ADAM11: variants seen among roughly 807,000 people sequenced by gnomAD.
ADAM11 encodes the protein disintegrin and metalloproteinase domain-containing protein 11.
ADAM11 carries 49 observed loss-of-function variants against 119.1 expected under a neutral mutation model. That is an observed-to-expected ratio of 0.41 (90% CI 0.33 to 0.52). The LOEUF (loss-of-function observed/expected upper bound fraction) is 0.52. Among genes scored for constraint, ADAM11 ranks in the 20% least tolerant of loss-of-function variants. The pLI, the probability that ADAM11 is intolerant of heterozygous loss-of-function variation, is 0.20. For missense variants in ADAM11, 777 were observed against 1,047.5 expected, an observed-to-expected ratio of 0.74 and a Z score of 3.56; for synonymous variants, 364 against 408.0, an observed-to-expected ratio of 0.89 and a Z score of 1.30.
chr17:44,779,385 C>G, intron 26 of ADAM11, 146 bp downstream of exon 26: 2 of 1,456,350 alleles, frequency 1.4e-6, no homozygotes, highest in Non-Finnish European at 1.8e-6. Flanking sequence ...CAGGCTGTCC[C>G]GGCAGGGGTG....
At chr17:44,759,461 C>T (rs1267984088) in intron 1 of ADAM11, 8 of 1,247,412 alleles carry the variant, frequency 6.4e-6, no homozygotes, top group African/African-American at 1.5e-5. Flanking sequence ...CGTCCCTGCC[C>T]CTGCCGCCGA....
rs1454849085 is a variant in ADAM11, at chr17:44,776,726, C to G, written c.1567-19C>G. The G allele has an allele frequency of 1.2e-6, 2 of 1,613,748 alleles. No individual in the cohort carries two copies. The highest frequency in any genetic ancestry group is 2.2e-5 in the South Asian group (2 of 91,022). ...CAGTCCTGGGACTGCTCCGCTCAAC[C>G]CCACCCCTCTCTCCACAGTGCCCGC... On this transcript the variant is annotated intron_variant, in intron 18 of 26. Transcript: ENST00000200557. This position sits in a 1 kb window ranked among gnomAD's most constrained non-coding sequence, Gnocchi z 5.2.
intron 2 of ADAM11, among the ~76,000 whole-genome samples, chr17:44,760,919 G>A (rs2049381172): frequency 6.6e-6 from 1 of 150,760 alleles, no homozygotes; most frequent in African/African-American, 2.4e-5. Flanking sequence ...GAATACTGAT[G>A]AAATGGATGG....
Position 44,774,688 on chromosome 17 carries a change from C to T in ADAM11, c.1169-10C>T. The T allele has an allele frequency of 1.3e-6, 2 of 1,592,890 alleles. No homozygotes were observed. Among genetic ancestry groups the T allele is most frequent in the South Asian group, 1.1e-5 (1 of 88,592 alleles). ...TGGCCTCCCTCATATCCGCCTGGCT[C>T]ACCCCTCAGGGGACTGCAAGTGTCC... On this transcript the variant is annotated splice_polypyrimidine_tract_variant and intron_variant, in intron 13 of 26. Transcript: ENST00000200557.
intron 1 of ADAM11, 30 bp downstream of exon 1, chr17:44,759,290 C>A: frequency 7.3e-7 from 1 of 1,366,112 alleles, no homozygotes; most frequent in Non-Finnish European, 9.4e-7. Flanking sequence ...CCCCGGCGCC[C>A]CCTCCCTGCC....
chr17:44,773,091 C>A lies in ADAM11; in HGVS notation c.825+6C>A, dbSNP rs886417733. On this transcript the variant is annotated splice_donor_region_variant and intron_variant, in intron 10 of 26. Coordinates refer to ENST00000200557, the MANE Select transcript of ADAM11 (RefSeq NM_002390.6). This position sits in a 1 kb window ranked among gnomAD's most constrained non-coding sequence, Gnocchi z 4.6. ...TGGTGAACCTGGCCGATGTGGTAAGCAGCTCTCCCTCCCTCCCTTCCCTCC... is the reference window on the plus strand; with the variant it reads ...TGGTGAACCTGGCCGATGTGGTAAGAAGCTCTCCCTCCCTCCCTTCCCTCC... The A allele has an allele frequency of 2.5e-6, 4 of 1,613,530 alleles. No individual in the cohort carries two copies. In the South Asian group the frequency reaches 4.4e-5, roughly 18 times the overall value.
Position 44,775,775 on chromosome 17 carries a change from G to A in ADAM11, c.1485+99G>A. On this transcript the variant is annotated intron_variant, in intron 17 of 26. Coordinates refer to ENST00000200557, the MANE Select transcript of ADAM11 (RefSeq NM_002390.6). This position sits in a 1 kb window ranked among gnomAD's most constrained non-coding sequence, Gnocchi z 7.5. The stretch of plus-strand genomic sequence containing the variant: ...AGCTAGGGAGGGAAGCGGAGCCTTC[G>A]GGGACGAAGGCCTCTGGGGCAGGGC... The A allele has an allele frequency of 8.0e-7, 1 of 1,254,614 alleles. No individual in the cohort carries two copies. Among genetic ancestry groups the A allele is most frequent in the South Asian group, 1.4e-5 (1 of 71,064 alleles). 77.7% of individuals were successfully genotyped at this position (1,254,614 alleles called of 1,614,324 possible).
intron 13 of ADAM11, 22 bp downstream of exon 13, chr17:44,774,604 C>T: frequency 6.8e-6 from 11 of 1,609,096 alleles, no homozygotes; most frequent in Non-Finnish European, 9.3e-6. Flanking sequence ...CAGAGGCCCC[C>T]GTGTGGCCCA....
chr17:44,777,487 T>C lies in ADAM11; in HGVS notation c.1787T>C (p.Val596Ala). 1 of 1,614,144 alleles carries C rather than the reference T, an allele frequency of 6.2e-7. No homozygotes were observed. The highest frequency in any genetic ancestry group is 8.5e-7 in the Non-Finnish European group (1 of 1,179,996). The change falls in exon 22 of 27, where the codon GTG becomes GCG. Residue 596 changes from valine to alanine, a missense_variant. By Grantham distance (64) the Val-to-Ala change is moderately conservative. This residue lies in a region of ADAM11 where 348 missense variants were observed against 486.7 expected (regional missense o/e 0.72). Coordinates refer to ENST00000200557, the MANE Select transcript of ADAM11 (RefSeq NM_002390.6). This position sits in a 1 kb window ranked among gnomAD's most constrained non-coding sequence, Gnocchi z 5.1. ...SGWVQCSKQD[V>A]LCGFLLCVNI... is the part of the protein sequence containing the mutation. ...GTCTCTATATGCCCCAACAGGGACG[T>C]GCTGTGTGGCTTCCTCCTCTGTGTC...
chr17:44,764,752 C>T (rs2049427255), intron 2 of ADAM11, among the ~76,000 whole-genome samples: 3 of 152,142 alleles, frequency 2.0e-5, no homozygotes, highest in South Asian at 4.1e-4. Flanking sequence ...TCATAGTCTC[C>T]ACCTCTCAGG....
At position 44,773,315 on chromosome 17, in the gene ADAM11, G is replaced by T; in HGVS notation, c.880G>T (p.Ala294Ser). Residue 294 changes from alanine (A) to serine (S), a missense_variant, in exon 11 of 27, where the codon GCA (alanine) becomes TCA (serine). Around this residue, in one of 4 missense-constraint regions of ADAM11, gnomAD observed 147 missense variants for 223.3 expected, o/e 0.66. Coordinates refer to ENST00000200557, the MANE Select transcript of ADAM11 (RefSeq NM_002390.6). This position sits in a 1 kb window ranked among gnomAD's most constrained non-coding sequence, Gnocchi z 4.6. ...RIVLVAMETW[A>S]DGDKIQVQDD... ...CGTCCTGGTTGCCATGGAAACATGG[G>T]CAGATGGGGACAAGATCCAGGTGCA... 6.2e-7 allele frequency: 1 copy of T among 1,614,072 alleles called. No homozygotes were observed. The highest frequency in any genetic ancestry group is 8.5e-7 in the Non-Finnish European group (1 of 1,180,018).
In ADAM11 at chr17:44,775,175, G is replaced by C; in HGVS notation, c.1221-37G>C. On this transcript the variant is annotated intron_variant, in intron 14 of 26. Transcript: ENST00000200557. This position sits in a 1 kb window ranked among gnomAD's most constrained non-coding sequence, Gnocchi z 7.5. ...TGAGAGGGGTGAGGGTGGGTTGGAG[G>C]GGAGCAGCCAGCAGCACCTCCCCTC... The C allele has an allele frequency of 6.4e-7, 1 of 1,561,564 alleles. No homozygotes were observed. Among genetic ancestry groups the C allele is most frequent in the Admixed American group, 1.7e-5 (1 of 59,828 alleles).
intron 1 of ADAM11, 165 bp from the exon 2 acceptor site, chr17:44,759,557 T>A: frequency 7.9e-7 from 1 of 1,264,786 alleles, no homozygotes; most frequent in African/African-American, 1.5e-5. Context: ...CCTGGCCCCC[T>A]CCCCGCGGGC....
chr17:44,759,584 CAG>C (rs1021970111), intron 1 of ADAM11, 136 bp from the exon 2 acceptor site: 14 of 1,294,950 alleles, frequency 1.1e-5, no homozygotes, highest in Non-Finnish European at 9.8e-6. Flanking sequence ...CTCTGCAGGG[CAG>C]CCAGATCCTC....
chr17:44,780,124 C>T lies in ADAM11; in HGVS notation c.*370C>T, dbSNP rs765334089. On this transcript the variant is annotated 3_prime_UTR_variant, in exon 27 of 27. Coordinates refer to ENST00000200557, the MANE Select transcript of ADAM11 (RefSeq NM_002390.6). ...TAGCCTGGATGGCCCCTCCTTGCAA[C>T]CAGGCAGCTGAGACCAGGGTCTTAC... 8.2e-6 allele frequency: 5 copies of T among 610,658 alleles called. No individual in the cohort carries two copies. Among genetic ancestry groups the T allele is most frequent in the South Asian group, 6.1e-5 (4 of 65,948 alleles). The allele number at this position is 610,658 out of a possible 1,614,324, so 37.8% of individuals were successfully genotyped here. A position where few individuals can be genotyped will look rare whatever the true frequency, so the allele number is the denominator to read the frequency against.
At position 44,775,109 on chromosome 17, in the gene ADAM11, C is replaced by T; in HGVS notation, c.1221-103C>T. 2.0e-6 allele frequency: 2 copies of T among 992,488 alleles called. No individual in the cohort carries two copies. The highest frequency in any genetic ancestry group is 1.4e-5 in the South Asian group (1 of 69,878). 61.5% of individuals were successfully genotyped at this position (992,488 alleles called of 1,614,324 possible). ...CCGGGGCAGATCCTCCGCCTCCTCG[C>T]GATGGTGACGAAGTCCCCCAGTGTA... On this transcript the variant is annotated intron_variant, in intron 14 of 26. Coordinates refer to ENST00000200557, the MANE Select transcript of ADAM11 (RefSeq NM_002390.6). This position sits in a 1 kb window ranked among gnomAD's most constrained non-coding sequence, Gnocchi z 7.5.
chr17:44,776,742 C>CA lies in ADAM11; in HGVS notation c.1567-2dup, dbSNP rs1567695067. On this transcript the variant is annotated splice_polypyrimidine_tract_variant and splice_region_variant and intron_variant, in intron 18 of 26. Coordinates refer to ENST00000200557, the MANE Select transcript of ADAM11 (RefSeq NM_002390.6). The surrounding 1 kb of genome is among the most constrained non-coding windows in gnomAD (Gnocchi z 5.2). ...CCGCTCAACCCCACCCCTCTCTCCA[C>CA]AGTGCCCGCCTAACCTGCACAAGCT... 1 of 1,614,116 alleles carries CA rather than the reference C, an allele frequency of 6.2e-7. No homozygotes were observed. The highest frequency in any genetic ancestry group is 1.7e-5 in the Admixed American group (1 of 60,014).
Position 44,780,556 on chromosome 17 carries a change from C to CGG in ADAM11, c.*809_*810dup, listed in dbSNP as rs573649672. The CGG allele has an allele frequency of 1.9e-3, 344 of 176,440 alleles. No homozygotes were observed. Among genetic ancestry groups the CGG allele is most frequent in the East Asian group, 0.01 (52 of 5,180 alleles). The allele number at this position is 176,440 out of a possible 1,614,324, so 10.9% of individuals were successfully genotyped here. ...TCAGGACACATGGATTTTGGCAGGG[C>CGG]GGGGGGGGTTCTAGAAAATATAGTT... is the stretch of plus-strand genomic sequence containing the variant. On this transcript the variant is annotated 3_prime_UTR_variant, in exon 27 of 27. Coordinates refer to ENST00000200557, the MANE Select transcript of ADAM11 (RefSeq NM_002390.6).
At chr17:44,768,347 T>G (rs914627129) in intron 2 of ADAM11, among the ~76,000 whole-genome samples, 1 of 152,184 alleles carries the variant, frequency 6.6e-6, no homozygotes, top group African/African-American at 2.4e-5. Context: ...GTCGGTGTCC[T>G]TGGGGCGCAA....
Sources: gnomAD v4.1 joint callset for allele counts (sites outside exome capture counted in the v4.1 genomes callset) on GRCh38, gnomAD v4.1.1 for gene constraint, gnomAD v4.1.1 regional missense constraint, Gnocchi (gnomAD v3.1) non-coding constraint, MANE v1.5 for transcripts, NCBI Gene and HGNC (gene_info 2026-07-23, HGNC 2026-07-21) for gene names.